Variants in MCPH1 observed in about 807,000 individuals in gnomAD.
MCPH1 encodes microcephalin.
Under a neutral mutation model 84.5 loss-of-function variants are expected in MCPH1, and 104 were observed. The observed-to-expected ratio is 1.23, with a 90% CI of 1.05 to 1.45. MCPH1 has a LOEUF of 1.45. Ranked by LOEUF, MCPH1 falls within the 40% of genes most tolerant of loss-of-function variation. The pLI, the probability that MCPH1 is intolerant of heterozygous loss-of-function variation, is 0.00. For synonymous variants in MCPH1, 514 were observed against 366.8 expected, an observed-to-expected ratio of 1.40 and a Z score of -4.58; for missense variants, 1,498 against 1,005.7, an observed-to-expected ratio of 1.49 and a Z score of -6.62.
At chr8:6,633,274 G>T (rs1269878036) in intron 13 of MCPH1, among the ~76,000 whole-genome samples, 2 of 152,128 alleles carry the variant, frequency 1.3e-5, no homozygotes, top group African/African-American at 4.8e-5. Flanking sequence ...TCATACAGTT[G>T]TCTACATAGA....
At chr8:6,612,552 C>T (rs867612788) in intron 12 of MCPH1, among the ~76,000 whole-genome samples, 2 of 152,230 alleles carry the variant, frequency 1.3e-5, no homozygotes, top group Admixed American at 6.5e-5. Flanking sequence ...TGTCCTCATC[C>T]CTGCAGCCTC....
chr8:6,471,140 T>G (rs1807665757), intron 9 of MCPH1, among the ~76,000 whole-genome samples: 1 of 152,198 alleles, frequency 6.6e-6, no homozygotes, highest in Admixed American at 6.5e-5. Context: ...GTGACCTTCC[T>G]TGCTCACCTG....
intron 3 of MCPH1, among the ~76,000 whole-genome samples, chr8:6,426,490 C>T (rs941306458): frequency 1.3e-5 from 2 of 152,182 alleles, no homozygotes; most frequent in Admixed American, 6.5e-5. Flanking sequence ...GATGTTTTTG[C>T]GATCTGTCCG....
At chr8:6,554,637 T>C (rs971640671) in intron 12 of MCPH1, among the ~76,000 whole-genome samples, 1 of 152,212 alleles carries the variant, frequency 6.6e-6, no homozygotes, top group African/African-American at 2.4e-5. Flanking sequence ...TTTGTGGTGG[T>C]AAGTTGTCAG....
At chr8:6,631,334 A>G (rs181815980) in intron 13 of MCPH1, among the ~76,000 whole-genome samples, 7 of 152,230 alleles carry the variant, frequency 4.6e-5, no homozygotes, top group Non-Finnish European at 1.0e-4. Context: ...AAATTGCACT[A>G]TATACAAATT....
At position 6,639,277 on chromosome 8, in the gene MCPH1, A is replaced by G. The variant is rs181635332; in HGVS notation, c.2453-3717A>G. The stretch of plus-strand genomic sequence containing the variant: ...AAGAACTCAAACAGTAGACAAGTAC[A>G]CAGGGTCCTCCAGTCTTACAACCCT... On this transcript the variant is annotated intron_variant, in intron 13 of 13. Coordinates refer to ENST00000344683, the MANE Select transcript of MCPH1 (RefSeq NM_024596.5). 3.3e-4 allele frequency among the ~76,000 whole-genome samples: 50 copies of G among 152,330 alleles called. 1 individual carries two copies. The East Asian group carries it at 9.6e-3, about 29-fold the overall frequency.
intron 12 of MCPH1, among the ~76,000 whole-genome samples, chr8:6,595,345 T>C (rs1828837383): frequency 6.6e-6 from 1 of 151,922 alleles, no homozygotes; most frequent in Non-Finnish European, 1.5e-5. Flanking sequence ...ACATGGGAGA[T>C]GGGTCAGGAG....
chr8:6,416,796 C>A (rs1194599005), intron 3 of MCPH1, among the ~76,000 whole-genome samples: 1 of 149,202 alleles, frequency 6.7e-6, no homozygotes, highest in African/African-American at 2.4e-5. Context: ...GAGTTTGAGA[C>A]CAGCCTGATC....
intron 12 of MCPH1, among the ~76,000 whole-genome samples, chr8:6,515,886 C>T (rs1195277605): frequency 1.3e-5 from 2 of 152,152 alleles, no homozygotes; most frequent in African/African-American, 2.4e-5. Context: ...GAAAAGAGAA[C>T]CAAGAGAGTG....
chr8:6,502,302 A>C (rs1812340399), intron 12 of MCPH1: 1 of 152,192 alleles, frequency 6.6e-6, no homozygotes, highest in Non-Finnish European at 1.5e-5. Context: ...CATATCCCCT[A>C]ATAAGTTATA....
chr8:6,576,797 A>T (rs980798602), intron 12 of MCPH1, among the ~76,000 whole-genome samples: 16 of 133,266 alleles, frequency 1.2e-4, no homozygotes, highest in African/African-American at 4.5e-4. Context: ...ATCCGTCCGC[A>T]GGTGAGCCAC....
rs1211598004 is a variant in MCPH1 at position 6,533,558 on chromosome 8, G to C, written c.2214+33629G>C. Among the ~76,000 whole-genome samples the C allele has an allele frequency of 2.8e-5, 4 of 144,478 alleles. No homozygotes were observed. The East Asian group carries it at 8.3e-4, about 30-fold the overall frequency. 94.8% of individuals were successfully genotyped at this position (144,478 alleles called of 152,430 possible). On this transcript the variant is annotated intron_variant, in intron 12 of 13. Coordinates refer to ENST00000344683, the MANE Select transcript of MCPH1 (RefSeq NM_024596.5). ...GTGTATGCGTAACTCCAGATACTTA[G>C]CGTTTAGTTTCTTTTTTTTTTTTTT...
chr8:6,554,219 G>T (rs1824176514), intron 12 of MCPH1, among the ~76,000 whole-genome samples: 1 of 150,938 alleles, frequency 6.6e-6, no homozygotes, highest in African/African-American at 2.4e-5. Flanking sequence ...GTTAACATGG[G>T]AGTAAGTGTG....
At chr8:6,606,977 TG>T (rs1284098087) in intron 12 of MCPH1, among the ~76,000 whole-genome samples, 1 of 152,216 alleles carries the variant, frequency 6.6e-6, no homozygotes, top group East Asian at 1.9e-4. Flanking sequence ...CTCTTTCTTT[TG>T]TAAATTGCCC....
intron 13 of MCPH1, among the ~76,000 whole-genome samples, chr8:6,632,821 G>T (rs949276208): frequency 2.0e-5 from 3 of 149,862 alleles, no homozygotes; most frequent in Admixed American, 6.6e-5. Context: ...AAGAAGAAAA[G>T]AAAAAAAAAC....
chr8:6,618,935 A>G (rs1039837864), intron 12 of MCPH1: 3 of 152,166 alleles, frequency 2.0e-5, no homozygotes, highest in African/African-American at 7.2e-5. Context: ...TCAGTGATCC[A>G]GGCGTCACAT....
chr8:6,432,752 TG>T (rs1199525104), intron 4 of MCPH1, among the ~76,000 whole-genome samples: 1 of 152,270 alleles, frequency 6.6e-6, no homozygotes, highest in East Asian at 1.9e-4. Context: ...AGCCATAGTT[TG>T]CCCATGCAGT....
intron 12 of MCPH1, among the ~76,000 whole-genome samples, chr8:6,560,158 T>C (rs531697493): frequency 2.6e-5 from 4 of 152,316 alleles, no homozygotes; most frequent in Admixed American, 1.3e-4. Flanking sequence ...GATTTTGTAG[T>C]GGGTTGTTTT....
At chr8:6,607,068 A>G (rs1265698883) in intron 12 of MCPH1, among the ~76,000 whole-genome samples, 1 of 152,252 alleles carries the variant, frequency 6.6e-6, no homozygotes, top group Non-Finnish European at 1.5e-5. Context: ...TGTTCAGGAC[A>G]CACTGTCCCC....
Sources: allele counts gnomAD v4.1 joint callset (sites outside exome capture counted in the v4.1 genomes callset), GRCh38; gene constraint gnomAD v4.1.1; transcripts MANE v1.5; gene names NCBI Gene and HGNC (gene_info 2026-07-23, HGNC 2026-07-21).